Variants in TMEM178B observed in about 807,000 individuals in gnomAD.
TMEM178B encodes transmembrane protein 178B.
A neutral mutation model predicts 31.0 loss-of-function variants in TMEM178B; 5 were observed. The observed-to-expected ratio is 0.16, with a 90% CI of 0.08 to 0.34. TMEM178B has a LOEUF of 0.34. Ranked by LOEUF, TMEM178B falls within the 10% of genes least tolerant of loss-of-function variation. The pLI, the probability that TMEM178B is intolerant of heterozygous loss-of-function variation, is 1.00. For synonymous variants in TMEM178B, 164 were observed against 164.0 expected (o/e 1.00, Z 0.00); for missense variants, 275 against 400.3 (o/e 0.69, Z 2.67).
At chr7:141,167,098 CTCATCTTTA>C (rs1454855689) in intron 1 of TMEM178B, among the ~76,000 whole-genome samples, 3 of 152,230 alleles carry the variant, frequency 2.0e-5, no homozygotes, top group Non-Finnish European at 4.4e-5. Context: ...CTCCAGTCTT[CTCATCTTTA>C]AAATGAGGGT....
At chr7:141,281,293 A>G (rs1212495284) in intron 2 of TMEM178B, among the ~76,000 whole-genome samples, 5 of 151,788 alleles carry the variant, frequency 3.3e-5, no homozygotes, top group Non-Finnish European at 7.4e-5. Flanking sequence ...TGGTGCCATC[A>G]GTGAGACCCA....
intron 2 of TMEM178B, among the ~76,000 whole-genome samples, chr7:141,243,720 G>A (rs1434758616): frequency 1.3e-5 from 2 of 152,120 alleles, no homozygotes; most frequent in African/African-American, 2.4e-5. Context: ...CGTTCTCATT[G>A]CCAGCCATGC....
intron 1 of TMEM178B, among the ~76,000 whole-genome samples, chr7:141,205,203 A>G (rs1191604913): frequency 1.3e-5 from 2 of 152,310 alleles, no homozygotes; most frequent in South Asian, 2.1e-4. Flanking sequence ...AGTCTAGGAA[A>G]ATCTGCTGTA....
At chr7:141,351,173 A>G (rs1799715099) in intron 2 of TMEM178B, among the ~76,000 whole-genome samples, 1 of 152,244 alleles carries the variant, frequency 6.6e-6, no homozygotes, top group Admixed American at 6.5e-5. Flanking sequence ...TTTTCCAAAG[A>G]TAGTCCATCT....
chr7:141,187,063 GTA>G (rs1233487314), intron 1 of TMEM178B, among the ~76,000 whole-genome samples: 3 of 150,390 alleles, frequency 2.0e-5, no homozygotes, highest in African/African-American at 4.9e-5. Flanking sequence ...TTAGCATTAG[GTA>G]TATCTCCTAA....
At position 141,245,449 on chromosome 7, in the gene TMEM178B, A is replaced by G. The variant is rs189229323; in HGVS notation, c.496+32745A>G. ...TTTTGCCCAGAGGCCTGAATGTTAA[A>G]CTCTTGCTATAGAGGTTAAGACTTC... On this transcript the variant is annotated intron_variant, in intron 2 of 3. Transcript: ENST00000565468. Among the ~76,000 whole-genome samples, 304 of 152,076 alleles carry G rather than the reference A, an allele frequency of 2.0e-3. 3 individuals carry two copies. The highest frequency in any genetic ancestry group is 6.8e-3 in the African/African-American group (284 of 41,462).
intron 1 of TMEM178B, among the ~76,000 whole-genome samples, chr7:141,153,573 T>G (rs1165093526): frequency 2.6e-5 from 4 of 152,216 alleles, no homozygotes; most frequent in Non-Finnish European, 5.9e-5. Context: ...CTAATTTACT[T>G]TCCCACTAGC....
chr7:141,339,514 A>G (rs926992256), intron 2 of TMEM178B, among the ~76,000 whole-genome samples: 3 of 152,236 alleles, frequency 2.0e-5, no homozygotes, highest in Non-Finnish European at 2.9e-5. Context: ...TCAGCAAAAG[A>G]TCTGCTAAAA....
At chr7:141,330,626 T>C (rs947655545) in intron 2 of TMEM178B, among the ~76,000 whole-genome samples, 3 of 152,168 alleles carry the variant, frequency 2.0e-5, no homozygotes, top group Non-Finnish European at 2.9e-5. Flanking sequence ...TGGATGGTCT[T>C]GACACAGAAT....
chr7:141,442,576 G>GCC (rs1174881954), intron 3 of TMEM178B, among the ~76,000 whole-genome samples: 1 of 152,114 alleles, frequency 6.6e-6, no homozygotes, highest in Non-Finnish European at 1.5e-5. Context: ...CACACTGGCT[G>GCC]CCTTTCTACC....
rs1802433599 is a variant in TMEM178B at position 141,479,362 on chromosome 7, G to A, written c.*8576G>A. On this transcript the variant is annotated 3_prime_UTR_variant, in exon 4 of 4. Transcript: ENST00000565468. ...TGCTATAAAGGAGATACCCTGGGAAGGGCAGTGGCCACAGGCAGACTGGGT... is the reference window on the plus strand; with the variant it reads ...TGCTATAAAGGAGATACCCTGGGAAAGGCAGTGGCCACAGGCAGACTGGGT... The A allele has an allele frequency of 1.3e-5, 2 of 152,182 alleles. No homozygotes were observed. The highest frequency in any genetic ancestry group is 1.5e-5 in the Non-Finnish European group (1 of 68,046). The allele number at this position is 152,182 out of a possible 1,614,324, so 9.4% of individuals were successfully genotyped here. A position where few individuals can be genotyped will look rare whatever the true frequency, so the allele number is the denominator to read the frequency against.
rs1318164955 is a variant in TMEM178B at position 141,470,522 on chromosome 7, C to T, written c.635-14C>T. The stretch of plus-strand genomic sequence containing the variant: ...TCCATTTCCCCATCCTGTGTCTTTT[C>T]CCTTGTCCTCCAGGAACCTTCTGCA... On this transcript the variant is annotated splice_polypyrimidine_tract_variant and intron_variant, in intron 3 of 3. Coordinates refer to ENST00000565468, the MANE Select transcript of TMEM178B (RefSeq NM_001195278.2). 2.7e-6 allele frequency: 4 copies of T among 1,501,990 alleles called. No individual in the cohort carries two copies. The highest frequency in any genetic ancestry group is 4.2e-5 in the Admixed American group (2 of 47,522). 93.0% of individuals were successfully genotyped at this position (1,501,990 alleles called of 1,614,324 possible). A position where few individuals can be genotyped will look rare whatever the true frequency, so the allele number is the denominator to read the frequency against.
At chr7:141,402,980 C>T (rs914707602) in intron 2 of TMEM178B, among the ~76,000 whole-genome samples, 4 of 152,264 alleles carry the variant, frequency 2.6e-5, no homozygotes, top group Non-Finnish European at 5.9e-5. Flanking sequence ...CCTATGGAAG[C>T]AGGCCCCAAA....
Position 141,470,674 on chromosome 7 carries a change from G to T in TMEM178B, c.773G>T (p.Gly258Val), listed in dbSNP as rs1802222605. 6.5e-7 allele frequency: 1 copy of T among 1,535,596 alleles called. No homozygotes were observed. Among genetic ancestry groups the T allele is most frequent in the African/African-American group, 1.4e-5 (1 of 72,910 alleles). ...TGGTCCATGTTCTGTGCATGGGGGG[G>T]CCTGGGCCTCACACTCATCTCGGGA... ...YGWSMFCAWG[G>V]LGLTLISGFF... is the part of the protein sequence containing the mutation. The change falls in exon 4 of 4, where the codon GGC (glycine) becomes GTC (valine). Residue 258 changes from glycine (G) to valine (V), a missense_variant. Gly to Val is a moderately radical substitution (Grantham distance 109). Transcript: ENST00000565468.
chr7:141,420,839 A>G (rs1242260467), intron 2 of TMEM178B, among the ~76,000 whole-genome samples: 1 of 152,214 alleles, frequency 6.6e-6, no homozygotes, highest in Non-Finnish European at 1.5e-5. Flanking sequence ...ATTTTGCTCC[A>G]TCTCTTGAGA....
intron 3 of TMEM178B, among the ~76,000 whole-genome samples, chr7:141,446,260 G>T (rs1330485741): frequency 6.6e-6 from 1 of 152,158 alleles, no homozygotes; most frequent in Admixed American, 6.5e-5. Context: ...CCCTTCTACA[G>T]ATGTGGGGTT....
intron 1 of TMEM178B, among the ~76,000 whole-genome samples, chr7:141,103,386 G>A (rs1563088473): frequency 6.6e-6 from 1 of 152,104 alleles, no homozygotes; most frequent in Non-Finnish European, 1.5e-5. Flanking sequence ...GTTGAAATTC[G>A]AGTGCCTTCA....
intron 2 of TMEM178B, among the ~76,000 whole-genome samples, chr7:141,279,097 C>G: frequency 6.6e-6 from 1 of 152,184 alleles, no homozygotes; most frequent in South Asian, 2.1e-4. Context: ...AGGTCATATG[C>G]TGACCGTCGA....
At chr7:141,260,306 TG>T (rs1185255912) in intron 2 of TMEM178B, among the ~76,000 whole-genome samples, 1 of 152,202 alleles carries the variant, frequency 6.6e-6, no homozygotes, top group African/African-American at 2.4e-5. Flanking sequence ...GAGGAAGAGG[TG>T]GGTGGGAACA....
Sources: gnomAD v4.1 joint callset for allele counts (sites outside exome capture counted in the v4.1 genomes callset) on GRCh38, gnomAD v4.1.1 for gene constraint, MANE v1.5 for transcripts, NCBI Gene and HGNC (gene_info 2026-07-23, HGNC 2026-07-21) for gene names.